MAPK4: variants seen among roughly 807,000 people sequenced by gnomAD.
The protein encoded by MAPK4 is Erk3-related.
A neutral mutation model predicts 47.7 loss-of-function variants in MAPK4; 22 were observed. The ratio of observed to expected loss-of-function variants is 0.46; its 90% CI spans 0.33 to 0.66. The LOEUF (loss-of-function observed/expected upper bound fraction) is 0.66, where lower values mean the gene tolerates loss of function less well. Among genes scored for constraint, MAPK4 ranks in the 30% least tolerant of loss-of-function variants. The pLI, the probability that MAPK4 is intolerant of heterozygous loss-of-function variation, is 0.02. For synonymous variants in MAPK4, 390 were observed against 365.7 expected (o/e 1.07, Z -0.76); for missense variants, 736 against 831.7 (o/e 0.88, Z 1.42).
Position 50,726,105 on chromosome 18 carries a change from G to A in MAPK4, c.997G>A (p.Glu333Lys). 6.2e-7 allele frequency: 1 copy of A among 1,614,204 alleles called. No individual in the cohort carries two copies. Among genetic ancestry groups the A allele is most frequent in the Non-Finnish European group, 8.5e-7 (1 of 1,180,042 alleles). The stretch of plus-strand genomic sequence containing the variant: ...ACAACACCCCTTCCGCATTGAGGAT[G>A]AGATCGACGACATCGTGCTGATGGC... ...TSQHPFRIED[E>K]IDDIVLMAAN... Residue 333 changes from glutamate to lysine, a missense_variant, in exon 5 of 6, where the codon GAG (glutamate) becomes AAG (lysine). This residue lies in a region of MAPK4 where 32 missense variants were observed against 57.7 expected (regional missense o/e 0.55). Transcript: ENST00000400384.
chr18:50,648,390 G>A (rs2043011944), intron 1 of MAPK4, among the ~76,000 whole-genome samples: 2 of 152,236 alleles, frequency 1.3e-5, no homozygotes, highest in African/African-American at 4.8e-5. Flanking sequence ...ATGACCGTGG[G>A]GGCTGTGTGA....
intron 2 of MAPK4, among the ~76,000 whole-genome samples, chr18:50,692,793 C>T (rs558062864): frequency 4.6e-5 from 7 of 152,176 alleles, no homozygotes; most frequent in African/African-American, 1.4e-4. Flanking sequence ...CAGCTTTGAT[C>T]GTGTCCTTTT....
At chr18:50,709,487 G>A (rs1434632935) in intron 2 of MAPK4, among the ~76,000 whole-genome samples, 1 of 152,222 alleles carries the variant, frequency 6.6e-6, no homozygotes, top group African/African-American at 2.4e-5. Context: ...TAGAAAAGCA[G>A]AGACACACAT....
At chr18:50,651,380 G>A (rs1207329339) in intron 1 of MAPK4, among the ~76,000 whole-genome samples, 1 of 152,140 alleles carries the variant, frequency 6.6e-6, no homozygotes, top group Non-Finnish European at 1.5e-5. Flanking sequence ...GGCCTCCCAC[G>A]GGCCCTGACC....
At chr18:50,619,715 A>T (rs747347297) in intron 1 of MAPK4, among the ~76,000 whole-genome samples, 4 of 152,246 alleles carry the variant, frequency 2.6e-5, no homozygotes, top group Non-Finnish European at 5.9e-5. Context: ...CTTTTCAGTA[A>T]GACTTTCTCA....
intron 1 of MAPK4, among the ~76,000 whole-genome samples, chr18:50,656,585 C>T (rs1190268821): frequency 6.6e-6 from 1 of 152,180 alleles, no homozygotes; most frequent in Non-Finnish European, 1.5e-5. Context: ...CCAGCACCCA[C>T]TTAAGGGGAG....
At chr18:50,627,265 T>C (rs1036280910) in intron 1 of MAPK4, among the ~76,000 whole-genome samples, 1 of 152,082 alleles carries the variant, frequency 6.6e-6, no homozygotes, top group South Asian at 2.1e-4. Context: ...GTCTGTCCCA[T>C]GGCCTCATTG....
At chr18:50,572,838 A>G (rs1169064541) in intron 1 of MAPK4, among the ~76,000 whole-genome samples, 2 of 152,228 alleles carry the variant, frequency 1.3e-5, no homozygotes, top group Non-Finnish European at 1.5e-5. Flanking sequence ...ATTGATAAGA[A>G]ATAATAATCA....
chr18:50,685,562 G>C (rs1231148489), intron 2 of MAPK4, among the ~76,000 whole-genome samples: 1 of 152,212 alleles, frequency 6.6e-6, no homozygotes, highest in Admixed American at 6.5e-5. Flanking sequence ...GAGGCACCGG[G>C]ATGGCATAAA....
intron 1 of MAPK4, among the ~76,000 whole-genome samples, chr18:50,602,412 A>G (rs1246088819): frequency 6.6e-6 from 1 of 152,122 alleles, no homozygotes; most frequent in East Asian, 1.9e-4. Context: ...CTTACTTGGA[A>G]CATCCTCCCT....
intron 2 of MAPK4, chr18:50,704,481 C>CA (rs749255746): frequency 1.7e-4 from 67 of 382,972 alleles, no homozygotes; most frequent in Middle Eastern, 6.6e-4. Flanking sequence ...ACCCTGTCTC[C>CA]AAAAAAAAAG....
chr18:50,590,428 G>A (rs1025596138), intron 1 of MAPK4, among the ~76,000 whole-genome samples: 3 of 152,224 alleles, frequency 2.0e-5, no homozygotes, highest in East Asian at 1.9e-4. Flanking sequence ...TCATGTAGGA[G>A]AGAGATAAGT....
At chr18:50,635,576 T>C (rs1050574182) in intron 1 of MAPK4, among the ~76,000 whole-genome samples, 1 of 152,234 alleles carries the variant, frequency 6.6e-6, no homozygotes, top group African/African-American at 2.4e-5. Context: ...AATGCAAATA[T>C]GATCTTGTGA....
intron 2 of MAPK4, among the ~76,000 whole-genome samples, chr18:50,708,689 A>G (rs1422925843): frequency 6.6e-6 from 1 of 152,150 alleles, no homozygotes; most frequent in Admixed American, 6.5e-5. Flanking sequence ...TAGACAGCCC[A>G]GGCCCCCACA....
rs1258317071 is a variant in MAPK4 at position 50,731,515 on chromosome 18, A to C, written c.*1661A>C. The C allele has an allele frequency of 1.3e-5, 2 of 152,518 alleles. No homozygotes were observed. The highest frequency in any genetic ancestry group is 2.9e-5 in the Non-Finnish European group (2 of 68,042). The allele number at this position is 152,518 out of a possible 1,614,324, so 9.4% of individuals were successfully genotyped here. On this transcript the variant is annotated 3_prime_UTR_variant, in exon 6 of 6. Coordinates refer to ENST00000400384, the MANE Select transcript of MAPK4 (RefSeq NM_002747.4). ...TGTACGTTGAAACCTGCAACACATT[A>C]GAAACTTATATTTAAAAACAGAATT...
At position 50,560,177 on chromosome 18, in the gene MAPK4, C is replaced by G. The variant is rs1245201619; in HGVS notation, c.-937C>G. On this transcript the variant is annotated 5_prime_UTR_variant, in exon 1 of 6. Coordinates refer to ENST00000400384, the MANE Select transcript of MAPK4 (RefSeq NM_002747.4). The stretch of plus-strand genomic sequence containing the variant: ...GCTGGGACCGGCCTGGCCGAGCGCG[C>G]CGGCGCCGCGGCCGCAGACAAAGGG... 1.1e-4 allele frequency: 16 copies of G among 150,524 alleles called. No homozygotes were observed. The East Asian group carries it at 3.1e-3, about 30-fold the overall frequency. 9.3% of individuals were successfully genotyped at this position (150,524 alleles called of 1,614,324 possible). A position where few individuals can be genotyped will look rare whatever the true frequency, so the allele number is the denominator to read the frequency against.
intron 1 of MAPK4, among the ~76,000 whole-genome samples, chr18:50,623,627 C>G (rs1447925149): frequency 6.6e-6 from 1 of 152,180 alleles, no homozygotes; most frequent in Non-Finnish European, 1.5e-5. Context: ...TCCTTACTGT[C>G]TCCCTGTTCC....
At chr18:50,591,655 G>C (rs904545787) in intron 1 of MAPK4, among the ~76,000 whole-genome samples, 8 of 151,532 alleles carry the variant, frequency 5.3e-5, no homozygotes, top group African/African-American at 1.9e-4. Flanking sequence ...TGAAGCATTG[G>C]GAGTGTAAGG....
At chr18:50,640,221 A>G (rs2042927445) in intron 1 of MAPK4, among the ~76,000 whole-genome samples, 1 of 152,222 alleles carries the variant, frequency 6.6e-6, no homozygotes, top group Admixed American at 6.5e-5. Context: ...GAAGGAAATC[A>G]GAGGCATACA....
Sources: allele counts gnomAD v4.1 joint callset (sites outside exome capture counted in the v4.1 genomes callset), GRCh38; gene constraint gnomAD v4.1.1; regional missense constraint gnomAD v4.1.1; transcripts MANE v1.5; gene names NCBI Gene and HGNC (gene_info 2026-07-23, HGNC 2026-07-21).